ZNF429: variants seen among roughly 807,000 people sequenced by gnomAD.
ZNF429 encodes zinc finger protein 429.
ZNF429 carries 53 observed loss-of-function variants against 56.8 expected under a neutral mutation model. The ratio of observed to expected loss-of-function variants is 0.93; its 90% CI spans 0.75 to 1.17. The LOEUF is 1.17. ZNF429 is among the 50% of genes most tolerant of loss of function. ZNF429 has a pLI of 0.00. For missense variants in ZNF429, 849 were observed against 788.4 expected (o/e 1.08, Z -0.92); for synonymous variants, 278 against 264.7 (o/e 1.05, Z -0.49).
chr19:21,524,944 C>G (rs2033110738), intron 1 of ZNF429, among the ~76,000 whole-genome samples: 3 of 152,078 alleles, frequency 2.0e-5, no homozygotes. Flanking sequence ...GGTCTGGAGA[C>G]TCAAAGCAGA....
In ZNF429 at chr19:21,536,948, A is replaced by G. The variant is rs1470166029; in HGVS notation, c.895A>G (p.Thr299Ala). 1.1e-5 allele frequency: 17 copies of G among 1,612,346 alleles called. No homozygotes were observed. The highest frequency in any genetic ancestry group is 1.4e-5 in the Non-Finnish European group (17 of 1,179,132). ...TGGCAAAACCTTTAGCATATCCTCA[A>G]CCTTTACTAAACATAAGATAATTCA... ...ECGKTFSISS[T>A]FTKHKIIHTE... The change falls in exon 4 of 4, where the codon ACC (threonine) becomes GCC (alanine). Residue 299 changes from threonine to alanine, a missense_variant. Transcript: ENST00000358491.
At position 21,537,692 on chromosome 19, in the gene ZNF429, A is replaced by G. The variant is rs1236830136; in HGVS notation, c.1639A>G (p.Asn547Asp). The change falls in exon 4 of 4, where the codon AAC becomes GAC. Residue 547 changes from asparagine (N) to aspartate (D), a missense_variant. Asn to Asp is a conservative substitution (Grantham distance 23, BLOSUM62 1). Transcript: ENST00000358491. ...ATGTGAAGAATGTGGCAAAGCTTTT[A>G]ACCGGTCCTCAAGACTTACTCAACA... ...YKCEECGKAFNRSSRLTQHKK... is the reference protein window; with the variant it reads ...YKCEECGKAFDRSSRLTQHKK... 3.1e-6 allele frequency: 5 copies of G among 1,613,994 alleles called. No individual in the cohort carries two copies. The highest frequency in any genetic ancestry group is 1.7e-5 in the Admixed American group (1 of 60,008).
At chr19:21,533,386 A>G in intron 3 of ZNF429, among the ~76,000 whole-genome samples, 1 of 152,016 alleles carries the variant, frequency 6.6e-6, no homozygotes, top group Non-Finnish European at 1.5e-5. Context: ...ATTTTCATCC[A>G]TTTCCTAAGA....
At chr19:21,524,167 A>G (rs1012875698) in intron 1 of ZNF429, among the ~76,000 whole-genome samples, 1 of 152,214 alleles carries the variant, frequency 6.6e-6, no homozygotes, top group Non-Finnish European at 1.5e-5. Flanking sequence ...AAGTGTAAAC[A>G]AGCATCGTAG....
chr19:21,513,730 C>A (rs190098245), intron 1 of ZNF429, among the ~76,000 whole-genome samples: 77 of 152,296 alleles, frequency 5.1e-4, no homozygotes, highest in Non-Finnish European at 1.0e-3. Context: ...TTTCACACTG[C>A]CCATTGTCCT....
intron 1 of ZNF429, among the ~76,000 whole-genome samples, chr19:21,521,189 G>A (rs560120553): frequency 7.9e-5 from 12 of 152,320 alleles, no homozygotes; most frequent in African/African-American, 2.9e-4. Context: ...CATGGTTTCA[G>A]TGTCTTATTT....
In ZNF429 at chr19:21,539,422, C is replaced by T. The variant is rs1369166439; in HGVS notation, c.*1344C>T. ...TTTGCAAAGTTATATTCAAAGTGTA[C>T]TTTTTATTTATTTTTTTGAGATGGA... is the stretch of plus-strand genomic sequence containing the variant. On this transcript the variant is annotated 3_prime_UTR_variant, in exon 4 of 4. Coordinates refer to ENST00000358491, the MANE Select transcript of ZNF429 (RefSeq NM_001001415.4). Among the ~76,000 whole-genome samples, 2 of 151,790 alleles carry T rather than the reference C, an allele frequency of 1.3e-5. No individual in the cohort carries two copies. The highest frequency in any genetic ancestry group is 2.9e-5 in the Non-Finnish European group (2 of 67,908).
At chr19:21,514,725 A>G (rs919586037) in intron 1 of ZNF429, among the ~76,000 whole-genome samples, 2 of 151,290 alleles carry the variant, frequency 1.3e-5, no homozygotes, top group Non-Finnish European at 2.9e-5. Context: ...CAGCCTCCCA[A>G]GTAGCTGGGA....
At chr19:21,517,103 A>C (rs2032778977) in intron 1 of ZNF429, among the ~76,000 whole-genome samples, 1 of 152,224 alleles carries the variant, frequency 6.6e-6, no homozygotes, top group Non-Finnish European at 1.5e-5. Context: ...ACTATTTTGA[A>C]GTATGTACCT....
At chr19:21,506,240 C>T (rs2032139581) in intron 1 of ZNF429, among the ~76,000 whole-genome samples, 1 of 152,096 alleles carries the variant, frequency 6.6e-6, no homozygotes, top group Non-Finnish European at 1.5e-5. Context: ...GGGCAGATCA[C>T]TGAGGTCCGG....
chr19:21,512,662 CAAA>C (rs35584125), intron 1 of ZNF429, among the ~76,000 whole-genome samples: 1,395 of 81,352 alleles, frequency 0.017, 8 homozygotes, highest in African/African-American at 0.026. Context: ...GACTCCATCT[CAAA>C]AAAAAAAAAA....
In ZNF429 at chr19:21,534,358, T is replaced by C; in HGVS notation, c.227-1922T>C. Reference sequence around the variant, plus strand: ...TTAGTTTTGGCCACAAAACATAGTGTGTAATTTTGGTCTTTTAAATTTTAT... The same window carrying C: ...TTAGTTTTGGCCACAAAACATAGTGCGTAATTTTGGTCTTTTAAATTTTAT... On this transcript the variant is annotated intron_variant, in intron 3 of 3. Transcript: ENST00000358491. 1.8e-4 allele frequency among the ~76,000 whole-genome samples: 18 copies of C among 101,352 alleles called. 1 individual carries two copies. Among genetic ancestry groups the C allele is most frequent in the Non-Finnish European group, 3.8e-4 (17 of 44,658 alleles). The allele number at this position is 101,352 out of a possible 152,430, so 66.5% of individuals were successfully genotyped here. A position where few individuals can be genotyped will look rare whatever the true frequency, so the allele number is the denominator to read the frequency against.
intron 3 of ZNF429, 135 bp downstream of exon 3, chr19:21,530,819 C>T: frequency 2.8e-6 from 2 of 723,190 alleles, no homozygotes; most frequent in South Asian, 5.1e-5. Flanking sequence ...TTCTAAAAAA[C>T]TTTCAGCCTG....
At chr19:21,507,285 A>G (rs192532231) in intron 1 of ZNF429, among the ~76,000 whole-genome samples, 43 of 152,216 alleles carry the variant, frequency 2.8e-4, no homozygotes, top group East Asian at 1.7e-3. Context: ...CCTCCTGACA[A>G]TCCCAAATGC....
rs770098515 is a variant in ZNF429, at chr19:21,536,753, T to C, written c.700T>C (p.Cys234Arg). ...TGAGAAACACTACAGATGTGAAGAA[T>C]GTGGCAAAGCATTTAACCACTACTC... ...VGEKHYRCEE[C>R]GKAFNHYSTL... Residue 234 changes from cysteine to arginine, a missense_variant, in exon 4 of 4, where the codon TGT becomes CGT. Physicochemically the swap from Cys to Arg is radical, Grantham distance 180 (BLOSUM62 -3). Transcript: ENST00000358491. The C allele has an allele frequency of 6.2e-7, 1 of 1,614,068 alleles. No homozygotes were observed. The highest frequency in any genetic ancestry group is 8.5e-7 in the Non-Finnish European group (1 of 1,180,016).
intron 1 of ZNF429, among the ~76,000 whole-genome samples, chr19:21,519,330 T>C (rs2032899098): frequency 6.6e-6 from 1 of 152,168 alleles, no homozygotes; most frequent in Admixed American, 6.5e-5. Flanking sequence ...CTTTCTCTTA[T>C]GATTCCTGTT....
At chr19:21,516,385 C>T (rs2032745088) in intron 1 of ZNF429, among the ~76,000 whole-genome samples, 1 of 152,122 alleles carries the variant, frequency 6.6e-6, no homozygotes, top group African/African-American at 2.4e-5. Flanking sequence ...CCATGCCCAG[C>T]CGCTTTGTTC....
At chr19:21,532,024 A>C in intron 3 of ZNF429, among the ~76,000 whole-genome samples, 2 of 152,228 alleles carry the variant, frequency 1.3e-5, no homozygotes, top group Non-Finnish European at 2.9e-5. Flanking sequence ...GGAAGAAAAC[A>C]ATCTTATTTA....
chr19:21,530,280 C>G, intron 2 of ZNF429, among the ~76,000 whole-genome samples: 1 of 151,682 alleles, frequency 6.6e-6, no homozygotes, highest in African/African-American at 2.4e-5. Flanking sequence ...TTCCATATTC[C>G]TGAGCTGATT....
Sources: gnomAD v4.1 joint callset for allele counts (sites outside exome capture counted in the v4.1 genomes callset) on GRCh38, gnomAD v4.1.1 for gene constraint, MANE v1.5 for transcripts, NCBI Gene and HGNC (gene_info 2026-07-23, HGNC 2026-07-21) for gene names.